Variants in ECT2L observed in about 807,000 individuals in gnomAD.
ECT2L encodes the protein epithelial cell-transforming sequence 2 oncogene-like.
ECT2L carries 126 observed loss-of-function variants against 122.8 expected under a neutral mutation model. The observed-to-expected ratio is 1.03, with a 90% CI of 0.89 to 1.19. The LOEUF (loss-of-function observed/expected upper bound fraction) is 1.19, where lower values mean the gene tolerates loss of function less well. ECT2L is among the 50% of genes most tolerant of loss of function. The pLI, the probability that ECT2L is intolerant of heterozygous loss-of-function variation, is 0.00. For missense variants in ECT2L, 1,012 were observed against 1,064.1 expected (o/e 0.95, Z 0.68); for synonymous variants, 385 against 381.8 (o/e 1.01, Z -0.10).
In ECT2L at chr6:138,889,034, AAAC is replaced by A; in HGVS notation, c.2414+6_2414+8del. The A allele has an allele frequency of 6.6e-7, 1 of 1,524,530 alleles. No homozygotes were observed. Among genetic ancestry groups the A allele is most frequent in the Non-Finnish European group, 8.9e-7 (1 of 1,125,174 alleles). The allele number at this position is 1,524,530 out of a possible 1,614,324, so 94.4% of individuals were successfully genotyped here. A position where few individuals can be genotyped will look rare whatever the true frequency, so the allele number is the denominator to read the frequency against. ...GAAGAAATAAGTTTCTCTTTAAGGT[AAAC>A]AATAGTTAACTATCCTAAGGCTGTG... On this transcript the variant is annotated splice_donor_5th_base_variant and intron_variant, in intron 20 of 21. Coordinates refer to ENST00000541398, the MANE Select transcript of ECT2L (RefSeq NM_001077706.3).
chr6:138,847,809 T>A (rs1777289861), intron 8 of ECT2L, among the ~76,000 whole-genome samples: 1 of 152,178 alleles, frequency 6.6e-6, no homozygotes, highest in Non-Finnish European at 1.5e-5. Flanking sequence ...TGATGCTACA[T>A]GTAGACCTCT....
At chr6:138,880,874 A>C in intron 14 of ECT2L, 83 bp from the exon 15 acceptor site, 1 of 1,214,538 alleles carries the variant, frequency 8.2e-7, no homozygotes, top group Non-Finnish European at 1.2e-6. Flanking sequence ...CAAACCAGCA[A>C]GGGGGGTCTC....
chr6:138,844,708 A>G, intron 7 of ECT2L, 128 bp downstream of exon 7: 1 of 820,330 alleles, frequency 1.2e-6, no homozygotes, highest in African/African-American at 1.7e-5. Context: ...AAATATCAGT[A>G]AAGATAATTA....
rs986085193 is a variant in ECT2L, at chr6:138,803,325, C to T, written c.-244+7133C>T. The stretch of plus-strand genomic sequence containing the variant: ...TTGTACATATATGCATGTACACACA[C>T]ACACACACACACACACACAATATAC... On this transcript the variant is annotated intron_variant, in intron 1 of 21. Coordinates refer to ENST00000541398, the MANE Select transcript of ECT2L (RefSeq NM_001077706.3). Among the ~76,000 whole-genome samples, 170 of 151,504 alleles carry T rather than the reference C, an allele frequency of 1.1e-3. 6 individuals carry two copies. In the East Asian group the frequency reaches 0.03, roughly 27 times the overall value.
intron 5 of ECT2L, among the ~76,000 whole-genome samples, chr6:138,840,372 T>A (rs1241137391): frequency 2.3e-5 from 3 of 130,622 alleles, no homozygotes; most frequent in African/African-American, 7.4e-5. Flanking sequence ...TTGATTTATA[T>A]GTGACCATAT....
intron 20 of ECT2L, among the ~76,000 whole-genome samples, chr6:138,891,943 C>T (rs1779044765): frequency 6.6e-6 from 1 of 151,948 alleles, no homozygotes; most frequent in South Asian, 2.1e-4. Context: ...TTTTAAAATC[C>T]TGTTTTGTGT....
chr6:138,884,512 C>A (rs1778746061), intron 16 of ECT2L, among the ~76,000 whole-genome samples: 1 of 151,976 alleles, frequency 6.6e-6, no homozygotes, highest in African/African-American at 2.4e-5. Flanking sequence ...GTGGCGGGCA[C>A]CTGTAATCCT....
At chr6:138,848,768 C>T (rs535299161) in intron 8 of ECT2L, among the ~76,000 whole-genome samples, 70 of 152,186 alleles carry the variant, frequency 4.6e-4, no homozygotes, top group South Asian at 1.2e-3. Context: ...TTTTAGGAGG[C>T]AAAGGCAGGA....
chr6:138,877,020 C>T (rs923451110), intron 14 of ECT2L, among the ~76,000 whole-genome samples: 2 of 152,174 alleles, frequency 1.3e-5, no homozygotes, highest in African/African-American at 4.8e-5. Flanking sequence ...CCTGTGTAAC[C>T]CACGGCATGG....
At chr6:138,896,787 A>AAG (rs1430397008) in intron 20 of ECT2L, among the ~76,000 whole-genome samples, 3 of 152,132 alleles carry the variant, frequency 2.0e-5, no homozygotes, top group African/African-American at 2.4e-5. Context: ...AGCTGGGACT[A>AAG]TAGGTGTGCA....
At chr6:138,801,087 C>T (rs571256562) in intron 1 of ECT2L, among the ~76,000 whole-genome samples, 4 of 152,310 alleles carry the variant, frequency 2.6e-5, no homozygotes, top group Non-Finnish European at 4.4e-5. Context: ...AAGGCCCAAC[C>T]TCTTACTATC....
intron 13 of ECT2L, 66 bp from the exon 14 acceptor site, chr6:138,876,406 A>C: frequency 4.0e-5 from 42 of 1,044,812 alleles, no homozygotes; most frequent in Non-Finnish European, 5.8e-5. Context: ...TCCTGCGGGC[A>C]CAGTACTGAG....
At chr6:138,877,229 T>G (rs1057388677) in intron 14 of ECT2L, among the ~76,000 whole-genome samples, 1 of 152,140 alleles carries the variant, frequency 6.6e-6, no homozygotes, top group Non-Finnish European at 1.5e-5. Flanking sequence ...CCTGCAGCCC[T>G]GAGCTCAGAC....
intron 20 of ECT2L, among the ~76,000 whole-genome samples, chr6:138,895,618 T>A (rs1471512272): frequency 6.6e-6 from 1 of 152,216 alleles, no homozygotes; most frequent in Non-Finnish European, 1.5e-5. Context: ...TTGCCCAGGC[T>A]GGAGTGCAGT....
At chr6:138,849,620 G>A (rs1416241488) in intron 9 of ECT2L, among the ~76,000 whole-genome samples, 186 bp downstream of exon 9, 1 of 150,466 alleles carries the variant, frequency 6.6e-6, no homozygotes, top group African/African-American at 2.5e-5. Context: ...CCAGGTTGGA[G>A]TGCACTGGTG....
At chr6:138,888,458 GCAC>G (rs1322808477) in intron 19 of ECT2L, among the ~76,000 whole-genome samples, 2 of 145,388 alleles carry the variant, frequency 1.4e-5, no homozygotes, top group Admixed American at 7.2e-5. Flanking sequence ...CTACCGGCAT[GCAC>G]CACCACACCT....
intron 5 of ECT2L, among the ~76,000 whole-genome samples, chr6:138,842,638 G>A (rs59851924): frequency 0.044 from 6,684 of 152,086 alleles, 182 homozygotes; most frequent in Non-Finnish European, 0.063. Flanking sequence ...CAGGCGTGGT[G>A]GCGGGTGCCT....
chr6:138,856,180 T>C (rs927220288), intron 10 of ECT2L, among the ~76,000 whole-genome samples: 2 of 135,822 alleles, frequency 1.5e-5, no homozygotes, highest in Non-Finnish European at 3.2e-5. Context: ...TTTCAAATCA[T>C]GTACTCAAAT....
chr6:138,822,111 T>G (rs930250063), intron 4 of ECT2L, among the ~76,000 whole-genome samples: 1 of 152,250 alleles, frequency 6.6e-6, no homozygotes, highest in Admixed American at 6.5e-5. Flanking sequence ...CAAGCAGTGA[T>G]TTGCTTTTTC....
Sources: gnomAD v4.1 joint callset for allele counts (sites outside exome capture counted in the v4.1 genomes callset) on GRCh38, gnomAD v4.1.1 for gene constraint, MANE v1.5 for transcripts, NCBI Gene and HGNC (gene_info 2026-07-23, HGNC 2026-07-21) for gene names.